TFG: variants seen among roughly 807,000 people sequenced by gnomAD.
TFG encodes the protein trafficking from ER to golgi regulator, also known as protein TFG.
Under a neutral mutation model 51.4 loss-of-function variants are expected in TFG, and 22 were observed. The ratio of observed to expected loss-of-function variants is 0.43; its 90% CI spans 0.31 to 0.61. The LOEUF is 0.61. Among genes scored for constraint, TFG ranks in the 20% least tolerant of loss-of-function variants. The pLI, the probability that TFG is intolerant of heterozygous loss-of-function variation, is 0.12. For missense variants in TFG, 419 were observed against 487.7 expected, an observed-to-expected ratio of 0.86 and a Z score of 1.33; for synonymous variants, 187 against 165.6, an observed-to-expected ratio of 1.13 and a Z score of -0.99.
Position 100,732,730 on chromosome 3 carries a change from C to T in TFG, c.580+58C>T, listed in dbSNP as rs891288521. ...GTTTCCTTCATCTTTCCGTTCTTCCCTTTCCTTCTTTCTTTAATTGAAGAA... is the reference window on the plus strand; with the variant it reads ...GTTTCCTTCATCTTTCCGTTCTTCCTTTTCCTTCTTTCTTTAATTGAAGAA... On this transcript the variant is annotated intron_variant, in intron 5 of 7. Coordinates refer to ENST00000240851, the MANE Select transcript of TFG (RefSeq NM_006070.6). The T allele has an allele frequency of 8.1e-6, 11 of 1,361,826 alleles. No individual in the cohort carries two copies. The African/African-American group carries it at 1.5e-4, about 18-fold the overall frequency. The allele number at this position is 1,361,826 out of a possible 1,614,324, so 84.4% of individuals were successfully genotyped here.
intron 4 of TFG, among the ~76,000 whole-genome samples, chr3:100,731,258 T>G (rs1266344512): frequency 1.3e-5 from 2 of 152,210 alleles, no homozygotes; most frequent in Non-Finnish European, 2.9e-5. Context: ...CTTGTTCGTG[T>G]TTTTTGTTTG....
In TFG at chr3:100,739,815, A is replaced by C. The variant is rs560238140; in HGVS notation, c.721+3099A>C. On this transcript the variant is annotated intron_variant, in intron 6 of 7. Coordinates refer to ENST00000240851, the MANE Select transcript of TFG (RefSeq NM_006070.6). Reference sequence around the variant, plus strand: ...ATTTCAGTATATATGTCCAACTGATAATCTTCTTTTTAATATAACCACCAT... The same window carrying C: ...ATTTCAGTATATATGTCCAACTGATCATCTTCTTTTTAATATAACCACCAT... 2.6e-5 allele frequency among the ~76,000 whole-genome samples: 4 copies of C among 152,256 alleles called. No individual in the cohort carries two copies. In the South Asian group the frequency reaches 8.3e-4, roughly 32 times the overall value.
chr3:100,720,071 C>T lies in TFG; in HGVS notation c.268+13C>T. The T allele has an allele frequency of 6.8e-7, 1 of 1,465,108 alleles. No individual in the cohort carries two copies. Among genetic ancestry groups the T allele is most frequent in the Non-Finnish European group, 9.2e-7 (1 of 1,082,802 alleles). 90.8% of individuals were successfully genotyped at this position (1,465,108 alleles called of 1,614,324 possible). ...CTGACATTATTTGGTGAGTAGTAAA[C>T]TTTCTAATGAATTTACTATTTTATT... On this transcript the variant is annotated intron_variant, in intron 3 of 7. Transcript: ENST00000240851.
chr3:100,727,239 C>G (rs1403592939), intron 3 of TFG, among the ~76,000 whole-genome samples: 1 of 152,190 alleles, frequency 6.6e-6, no homozygotes. Context: ...AGACCAGTTT[C>G]TGGCTGCTAG....
rs116891811 is a variant in TFG at position 100,733,758 on chromosome 3, G to T, written c.580+1086G>T. ...CTTTTGAGGATTTTCTGTTATTGTT[G>T]ATCTAGCAGGGAGTTGATTTGTATG... On this transcript the variant is annotated intron_variant, in intron 5 of 7. Coordinates refer to ENST00000240851, the MANE Select transcript of TFG (RefSeq NM_006070.6). Among the ~76,000 whole-genome samples, 77 of 152,238 alleles carry T rather than the reference G, an allele frequency of 5.1e-4. 1 individual carries two copies. In the East Asian group the frequency reaches 0.014, roughly 28 times the overall value.
chr3:100,734,457 C>G (rs957749157), intron 5 of TFG, among the ~76,000 whole-genome samples: 43 of 152,268 alleles, frequency 2.8e-4, no homozygotes, highest in Admixed American at 2.5e-3. Context: ...CCTAAATCTT[C>G]AGCTGCTTGT....
chr3:100,725,360 T>G (rs1182592668), intron 3 of TFG, among the ~76,000 whole-genome samples: 2 of 152,234 alleles, frequency 1.3e-5, no homozygotes, highest in Middle Eastern at 3.4e-3. Context: ...CAAGATTGTT[T>G]TGGATGAAAC....
chr3:100,742,080 A>C (rs2095122807), intron 6 of TFG, among the ~76,000 whole-genome samples: 2 of 152,202 alleles, frequency 1.3e-5, no homozygotes, highest in South Asian at 4.1e-4. Flanking sequence ...TATCCTATAG[A>C]TCTCTCAAGT....
chr3:100,725,844 G>A (rs1342612297), intron 3 of TFG, among the ~76,000 whole-genome samples: 2 of 152,010 alleles, frequency 1.3e-5, no homozygotes, highest in African/African-American at 2.4e-5. Context: ...TGTTTAGTAA[G>A]TTTATCTTGT....
At chr3:100,747,959 T>C (rs560928587) in intron 7 of TFG, among the ~76,000 whole-genome samples, 190 bp from the exon 8 acceptor site, 3 of 152,124 alleles carry the variant, frequency 2.0e-5, no homozygotes, top group Non-Finnish European at 4.4e-5. Flanking sequence ...GTTTAAAAAA[T>C]TGTAGAGAAT....
At chr3:100,739,500 G>C (rs775654340) in intron 6 of TFG, among the ~76,000 whole-genome samples, 1 of 152,010 alleles carries the variant, frequency 6.6e-6, no homozygotes, top group African/African-American at 2.4e-5. Flanking sequence ...GGAGAAGAAC[G>C]CTAAAAATCA....
intron 6 of TFG, chr3:100,744,019 A>T (rs2095128542): frequency 6.6e-6 from 1 of 152,202 alleles, no homozygotes; most frequent in South Asian, 2.1e-4. Flanking sequence ...GATAATAAAG[A>T]CATAAACCAA....
chr3:100,722,301 T>G (rs2095063127), intron 3 of TFG, among the ~76,000 whole-genome samples: 1 of 152,226 alleles, frequency 6.6e-6, no homozygotes, highest in Non-Finnish European at 1.5e-5. Context: ...TTAAACACAT[T>G]AGTCATAGCT....
intron 3 of TFG, among the ~76,000 whole-genome samples, chr3:100,726,369 T>C (rs898888510): frequency 6.6e-6 from 1 of 152,110 alleles, no homozygotes; most frequent in African/African-American, 2.4e-5. Flanking sequence ...TGGGTCTTCC[T>C]CTTCTGGTTC....
intron 2 of TFG, among the ~76,000 whole-genome samples, chr3:100,714,598 G>C (rs1179839789): frequency 6.6e-6 from 1 of 150,416 alleles, no homozygotes; most frequent in Non-Finnish European, 1.5e-5. Context: ...TTCTCCTTTT[G>C]TCCATATAAT....
chr3:100,722,942 T>C (rs1366511774), intron 3 of TFG, among the ~76,000 whole-genome samples: 4 of 152,180 alleles, frequency 2.6e-5, no homozygotes, highest in Admixed American at 2.6e-4. Flanking sequence ...AACTGTTGCT[T>C]GGTCAGTAGG....
chr3:100,716,437 T>C (rs1277849903), intron 2 of TFG, among the ~76,000 whole-genome samples: 1 of 152,246 alleles, frequency 6.6e-6, no homozygotes, highest in Non-Finnish European at 1.5e-5. Context: ...TATCAGTTAA[T>C]CTGTTGTTAG....
At chr3:100,720,364 G>T (rs1413774618) in intron 3 of TFG, among the ~76,000 whole-genome samples, 2 of 152,174 alleles carry the variant, frequency 1.3e-5, no homozygotes, top group South Asian at 2.1e-4. Context: ...TTTTTAAATT[G>T]TAATTATCTT....
chr3:100,720,968 T>TA (rs1362551872), intron 3 of TFG, among the ~76,000 whole-genome samples: 3 of 152,198 alleles, frequency 2.0e-5, no homozygotes, highest in Non-Finnish European at 2.9e-5. Flanking sequence ...GCATGAAACT[T>TA]AGAGTTCAGT....
Sources: gnomAD v4.1 joint callset for allele counts (sites outside exome capture counted in the v4.1 genomes callset) on GRCh38, gnomAD v4.1.1 for gene constraint, MANE v1.5 for transcripts, NCBI Gene and HGNC (gene_info 2026-07-23, HGNC 2026-07-21) for gene names.